LDAH: variants seen among roughly 807,000 people sequenced by gnomAD.
LDAH encodes lipid droplet associated hydrolase, also known as lipid droplet-associated hydrolase.
In LDAH, 26 loss-of-function variants were observed where a neutral mutation model predicts 29.6. The observed-to-expected ratio is 0.88, with a 90% CI of 0.64 to 1.22. The LOEUF (loss-of-function observed/expected upper bound fraction) is 1.22, where lower values mean the gene tolerates loss of function less well. Among genes scored for constraint, LDAH ranks in the 50% most tolerant of loss-of-function variants. The pLI, the probability that LDAH is intolerant of heterozygous loss-of-function variation, is 0.00. For synonymous variants in LDAH, 117 were observed against 133.0 expected, an observed-to-expected ratio of 0.88 and a Z score of 0.83; for missense variants, 344 against 387.3, an observed-to-expected ratio of 0.89 and a Z score of 0.94.
At chr2:20,763,082 T>C (rs895796086) in intron 4 of LDAH, among the ~76,000 whole-genome samples, 14 of 152,210 alleles carry the variant, frequency 9.2e-5, no homozygotes, top group Admixed American at 8.5e-4. Flanking sequence ...GTTTTGACCC[T>C]AATAATTCAA....
chr2:20,701,354 C>CA (rs1663918176), intron 6 of LDAH, among the ~76,000 whole-genome samples: 1 of 152,112 alleles, frequency 6.6e-6, no homozygotes, highest in African/African-American at 2.4e-5. Context: ...ATTAATTCAA[C>CA]AAAAACAGGT....
rs539660853 is a variant in LDAH, at chr2:20,782,786, AT to A, written c.298+7468del. Among the ~76,000 whole-genome samples, 5 of 151,660 alleles carry A rather than the reference AT, an allele frequency of 3.3e-5. No homozygotes were observed. The East Asian group carries it at 5.8e-4, about 18-fold the overall frequency. On this transcript the variant is annotated intron_variant, in intron 3 of 6. Transcript: ENST00000237822. ...TAAATAACTAGCTTTTGGTTTGTTG[AT>A]TTTTTTTCTAATAATTTCTTGTTTT...
intron 5 of LDAH, among the ~76,000 whole-genome samples, chr2:20,709,291 T>C (rs936315915): frequency 6.6e-6 from 1 of 152,144 alleles, no homozygotes; most frequent in Non-Finnish European, 1.5e-5. Flanking sequence ...AATATCTCAT[T>C]ATGTATATGC....
intron 3 of LDAH, chr2:20,789,262 G>A (rs755469125): frequency 4.0e-5 from 62 of 1,550,422 alleles, no homozygotes; most frequent in Non-Finnish European, 5.2e-6. Flanking sequence ...ATCAGATGGG[G>A]TCATGAGGGT....
At chr2:20,798,708 T>C (rs1671472321) in intron 2 of LDAH, among the ~76,000 whole-genome samples, 1 of 151,806 alleles carries the variant, frequency 6.6e-6, no homozygotes, top group Admixed American at 6.6e-5. Context: ...TGATTGTGCA[T>C]GGAGAAGGGA....
chr2:20,708,206 G>A (rs1480915291), intron 5 of LDAH, among the ~76,000 whole-genome samples: 3 of 152,180 alleles, frequency 2.0e-5, no homozygotes, highest in Non-Finnish European at 4.4e-5. Flanking sequence ...GCCTGGTCCA[G>A]GGAAAAAGTG....
chr2:20,786,344 C>G (rs553770096), intron 3 of LDAH, among the ~76,000 whole-genome samples: 1 of 152,212 alleles, frequency 6.6e-6, no homozygotes, highest in East Asian at 1.9e-4. Flanking sequence ...CTTGCACCAC[C>G]ATGCCCGGCT....
chr2:20,722,784 G>A (rs1464724137), intron 5 of LDAH, among the ~76,000 whole-genome samples: 2 of 152,040 alleles, frequency 1.3e-5, no homozygotes, highest in East Asian at 1.9e-4. Flanking sequence ...CCATCAGATG[G>A]CACTATATAC....
At chr2:20,809,167 G>A (rs1672296996) in intron 1 of LDAH, among the ~76,000 whole-genome samples, 1 of 150,964 alleles carries the variant, frequency 6.6e-6, no homozygotes, top group Non-Finnish European at 1.5e-5. Flanking sequence ...CGAGGCAGGT[G>A]GATCACAAGG....
At chr2:20,818,024 ATTCT>A (rs1176907264) in intron 1 of LDAH, among the ~76,000 whole-genome samples, 3 of 152,178 alleles carry the variant, frequency 2.0e-5, no homozygotes, top group African/African-American at 7.2e-5. Context: ...TGATGGAATA[ATTCT>A]TTATCTTGAT....
At chr2:20,729,854 G>A (rs1032483892) in intron 5 of LDAH, among the ~76,000 whole-genome samples, 5 of 152,114 alleles carry the variant, frequency 3.3e-5, no homozygotes, top group African/African-American at 4.8e-5. Context: ...GAAGTGCAGT[G>A]GTGCAATCAC....
intron 5 of LDAH, among the ~76,000 whole-genome samples, chr2:20,719,598 A>G (rs1355388136): frequency 6.6e-6 from 1 of 152,134 alleles, no homozygotes; most frequent in African/African-American, 2.4e-5. Flanking sequence ...AAAAAATTGA[A>G]GAGGAGGGAA....
At chr2:20,754,960 A>G (rs1668231090) in intron 4 of LDAH, among the ~76,000 whole-genome samples, 1 of 152,210 alleles carries the variant, frequency 6.6e-6, no homozygotes. Flanking sequence ...AAGGTAGATT[A>G]AAGTATTACA....
At chr2:20,718,644 A>G (rs1478092347) in intron 5 of LDAH, among the ~76,000 whole-genome samples, 1 of 152,168 alleles carries the variant, frequency 6.6e-6, no homozygotes, top group Non-Finnish European at 1.5e-5. Flanking sequence ...TTGCAGTTAA[A>G]CTATACTCTA....
intron 5 of LDAH, among the ~76,000 whole-genome samples, chr2:20,731,891 C>T (rs1373803626): frequency 6.1e-5 from 9 of 147,476 alleles, no homozygotes; most frequent in African/African-American, 2.3e-4. Flanking sequence ...TATTTTTATT[C>T]CCTGGCAGAG....
intron 5 of LDAH, among the ~76,000 whole-genome samples, chr2:20,728,582 A>T (rs1666181013): frequency 6.6e-6 from 1 of 152,124 alleles, no homozygotes; most frequent in African/African-American, 2.4e-5. Context: ...GGTACTAGGA[A>T]TCACCATAGT....
chr2:20,776,594 A>AT (rs1176972601), intron 3 of LDAH, among the ~76,000 whole-genome samples: 1 of 152,190 alleles, frequency 6.6e-6, no homozygotes, highest in Non-Finnish European at 1.5e-5. Flanking sequence ...CTTACAATCC[A>AT]TTCTCCACTT....
In LDAH at chr2:20,685,214, TAAAAG is replaced by T. The variant is rs1037709885; in HGVS notation, c.*1684_*1688del. On this transcript the variant is annotated 3_prime_UTR_variant, in exon 7 of 7. Coordinates refer to ENST00000237822, the MANE Select transcript of LDAH (RefSeq NM_021925.4). ...ATGGAGTAACATTTAAAATAACAGA[TAAAAG>T]AAAAGCTCTGAATGTTACTCTTTAT... is the stretch of plus-strand genomic sequence containing the variant. The T allele has an allele frequency of 6.5e-6, 3 of 458,952 alleles. No homozygotes were observed. The highest frequency in any genetic ancestry group is 5.4e-4 in the Middle Eastern group (1 of 1,842). 28.4% of individuals were successfully genotyped at this position (458,952 alleles called of 1,614,324 possible). A position where few individuals can be genotyped will look rare whatever the true frequency, so the allele number is the denominator to read the frequency against.
In LDAH at chr2:20,770,009, C is replaced by T. The variant is rs562031716; in HGVS notation, c.468+4801G>A. Among the ~76,000 whole-genome samples the T allele has an allele frequency of 8.4e-4, 128 of 152,170 alleles. 3 individuals carry two copies. The highest frequency in any genetic ancestry group is 2.9e-3 in the African/African-American group (122 of 41,512). ...TTAAAAAATGAAAAAGCATTATCACCTAAGAAATTTCAGGACACAGGCACA... is the reference window on the plus strand; with the variant it reads ...TTAAAAAATGAAAAAGCATTATCACTTAAGAAATTTCAGGACACAGGCACA... On this transcript the variant is annotated intron_variant, in intron 4 of 6. Transcript: ENST00000237822.
Sources: gnomAD v4.1 joint callset for allele counts (sites outside exome capture counted in the v4.1 genomes callset) on GRCh38, gnomAD v4.1.1 for gene constraint, MANE v1.5 for transcripts, NCBI Gene and HGNC (gene_info 2026-07-23, HGNC 2026-07-21) for gene names.